MS4A3: variants seen among roughly 807,000 people sequenced by gnomAD.
MS4A3 encodes membrane spanning 4-domains A3.
MS4A3 carries 18 observed loss-of-function variants against 24.7 expected under a neutral mutation model. The observed-to-expected ratio is 0.73, with a 90% CI of 0.50 to 1.08. The LOEUF (loss-of-function observed/expected upper bound fraction) is 1.08. Among genes scored for constraint, MS4A3 ranks in the 50% least tolerant of loss-of-function variants. The pLI is 0.00. For missense variants in MS4A3, 282 were observed against 251.7 expected (o/e 1.12, Z -0.82); for synonymous variants, 84 against 95.3 (o/e 0.88, Z 0.69).
rs769696067 is a variant in MS4A3, at chr11:60,061,139, A to G, written c.-15-7A>G. On this transcript the variant is annotated splice_polypyrimidine_tract_variant and splice_region_variant and intron_variant, in intron 1 of 6. Transcript: ENST00000278865. ...CATGAAGGCTTTGGATTTCTTTTCT[A>G]TCACAGCCATAAACAACCCCAATGG... 88 of 1,546,084 alleles carry G rather than the reference A, an allele frequency of 5.7e-5. 1 individual carries two copies. Among genetic ancestry groups the G allele is most frequent in the Non-Finnish European group, 7.5e-5 (86 of 1,150,738 alleles).
chr11:60,061,141 CACAGCCATAA>C lies in MS4A3; in HGVS notation c.-15-1_-7del. On this transcript the variant is annotated splice_acceptor_variant and splice_polypyrimidine_tract_variant and 5_prime_UTR_variant and intron_variant, in exon 2 of 7. Transcript: ENST00000278865. LOFTEE classifies it low-confidence loss of function (5UTR_SPLICE). ...TGAAGGCTTTGGATTTCTTTTCTAT[CACAGCCATAA>C]ACAACCCCAATGGCCTCCCACGAAG... 6.5e-7 allele frequency: 1 copy of C among 1,545,602 alleles called. No individual in the cohort carries two copies. The highest frequency in any genetic ancestry group is 1.2e-5 in the South Asian group (1 of 80,964).
chr11:60,067,212 CTTTTTTT>C, intron 5 of MS4A3, 100 bp downstream of exon 5: 2 of 548,100 alleles, frequency 3.6e-6, no homozygotes, highest in Non-Finnish European at 5.6e-6. Flanking sequence ...TAATTTGAAT[CTTTTTTT>C]TTTTTTTTTT....
intron 3 of MS4A3, among the ~76,000 whole-genome samples, chr11:60,063,163 CTT>C (rs1177852993): frequency 6.6e-6 from 1 of 152,072 alleles, no homozygotes; most frequent in Admixed American, 6.6e-5. Context: ...TAAAAATTAT[CTT>C]ATATATAACT....
At chr11:60,057,395 T>TTGTGTG (rs35408400) in intron 1 of MS4A3, among the ~76,000 whole-genome samples, 3 of 150,620 alleles carry the variant, frequency 2.0e-5, no homozygotes, top group African/African-American at 7.3e-5. Context: ...TTCTCTGATT[T>TTGTGTG]TGTGTGTGTG....
intron 1 of MS4A3, 186 bp from the exon 2 acceptor site, chr11:60,060,960 G>A (rs1174224088): frequency 6.7e-6 from 3 of 445,152 alleles, no homozygotes; most frequent in African/African-American, 4.1e-5. Context: ...ACCCGATGAT[G>A]TCTACTACTC....
At chr11:60,062,370 G>A in intron 2 of MS4A3, 98 bp from the exon 3 acceptor site, 1 of 1,431,750 alleles carries the variant, frequency 7.0e-7, no homozygotes, top group African/African-American at 1.4e-5. Context: ...ACCATTTCAA[G>A]CACCGACATC....
intron 4 of MS4A3, among the ~76,000 whole-genome samples, chr11:60,064,612 C>T (rs1462185103): frequency 6.6e-6 from 1 of 152,100 alleles, no homozygotes; most frequent in Non-Finnish European, 1.5e-5. Context: ...AGTAAGAACT[C>T]CCACCACTAA....
chr11:60,062,471 A>T lies in MS4A3; in HGVS notation c.160A>T (p.Ile54Phe), dbSNP rs1259113953. The change falls in exon 3 of 7, where the codon ATC becomes TTC. Residue 54 changes from isoleucine (I) to phenylalanine (F), a missense_variant. Physicochemically the swap from Ile to Phe is conservative, Grantham distance 21 (BLOSUM62 0). Coordinates refer to ENST00000278865, the MANE Select transcript of MS4A3 (RefSeq NM_006138.5). The stretch of plus-strand genomic sequence containing the variant: ...TTTTTCCCCTTTCTTCTTTCAGGCC[A>T]TCCAGATCCTGAATGCAGCAATGAT... ...QKAKLQVLGA[I>F]QILNAAMILA... is the part of the protein sequence containing the mutation. 6.2e-7 allele frequency: 1 copy of T among 1,613,920 alleles called. No individual in the cohort carries two copies. The highest frequency in any genetic ancestry group is 8.5e-7 in the Non-Finnish European group (1 of 1,179,976).
chr11:60,057,175 G>A (rs913901452), intron 1 of MS4A3, among the ~76,000 whole-genome samples: 1 of 152,094 alleles, frequency 6.6e-6, no homozygotes, highest in African/African-American at 2.4e-5. Flanking sequence ...TCAAATTGCT[G>A]GCTGTGTGGG....
chr11:60,061,898 G>A (rs1005275148), intron 2 of MS4A3, among the ~76,000 whole-genome samples: 1 of 152,162 alleles, frequency 6.6e-6, no homozygotes, highest in Non-Finnish European at 1.5e-5. Context: ...ATAGATCTGG[G>A]GAGCAGAAAT....
Position 60,070,703 on chromosome 11 carries a change from T to TA in MS4A3, c.*475dup, listed in dbSNP as rs1374782237. ...CTTCTTGACTTTAACATCAGCATTA[T>TA]AAAAAGTGTCAAATAAAAAATTACC... On this transcript the variant is annotated 3_prime_UTR_variant, in exon 7 of 7. Transcript: ENST00000278865. 1 of 152,770 alleles carries TA rather than the reference T, an allele frequency of 6.5e-6. No homozygotes were observed. The highest frequency in any genetic ancestry group is 6.5e-5 in the Admixed American group (1 of 15,290). 9.5% of individuals were successfully genotyped at this position (152,770 alleles called of 1,614,324 possible). A position where few individuals can be genotyped will look rare whatever the true frequency, so the allele number is the denominator to read the frequency against.
Position 60,070,359 on chromosome 11 carries a change from C to G in MS4A3, c.*126C>G. ...GTAAAGCTCAATCCTTCTATCATGG[C>G]ACCAATCACAAGAACCTTGGACGTT... On this transcript the variant is annotated 3_prime_UTR_variant, in exon 7 of 7. Coordinates refer to ENST00000278865, the MANE Select transcript of MS4A3 (RefSeq NM_006138.5). 1 of 723,640 alleles carries G rather than the reference C, an allele frequency of 1.4e-6. No homozygotes were observed. Among genetic ancestry groups the G allele is most frequent in the Non-Finnish European group, 2.3e-6 (1 of 426,212 alleles). The allele number at this position is 723,640 out of a possible 1,614,324, so 44.8% of individuals were successfully genotyped here. A position where few individuals can be genotyped will look rare whatever the true frequency, so the allele number is the denominator to read the frequency against.
At chr11:60,061,071 C>A in intron 1 of MS4A3, 75 bp from the exon 2 acceptor site, 3 of 1,381,412 alleles carry the variant, frequency 2.2e-6, no homozygotes, top group Non-Finnish European at 2.9e-6. Flanking sequence ...TTGAACCCTT[C>A]TGTAACACTC....
In MS4A3 at chr11:60,067,077, C is replaced by T; in HGVS notation, c.478C>T (p.Pro160Ser). 1 of 1,611,156 alleles carries T rather than the reference C, an allele frequency of 6.2e-7. No individual in the cohort carries two copies. ...GAGTTGTCACTCTTCATCAGAGTCA[C>T]CGGACCTATGCAATTACATGGGCTC... The part of the protein sequence containing the change: ...LRSCHSSSES[P>S]DLCNYMGSIS... Residue 160 changes from proline to serine, a missense_variant, in exon 5 of 7, where the codon CCG becomes TCG. Pro to Ser is a moderately conservative substitution (Grantham distance 74). Coordinates refer to ENST00000278865, the MANE Select transcript of MS4A3 (RefSeq NM_006138.5).
intron 1 of MS4A3, among the ~76,000 whole-genome samples, chr11:60,059,339 A>G (rs758335120): frequency 5.3e-4 from 81 of 152,102 alleles, no homozygotes; most frequent in Non-Finnish European, 1.1e-3. Context: ...AGAAAAATGG[A>G]TCTAGTATAT....
chr11:60,064,067 CTAAA>C (rs58312985), intron 3 of MS4A3, among the ~76,000 whole-genome samples, 191 bp from the exon 4 acceptor site: 2,683 of 147,458 alleles, frequency 0.018, 41 homozygotes, highest in African/African-American at 0.028. Flanking sequence ...CATGGAAAGA[CTAAA>C]TAAATAAATA....
intron 6 of MS4A3, among the ~76,000 whole-genome samples, chr11:60,069,890 A>G (rs1405224465): frequency 6.6e-6 from 1 of 152,198 alleles, no homozygotes; most frequent in Non-Finnish European, 1.5e-5. Context: ...GATATATAAG[A>G]GCATACTTTC....
chr11:60,057,056 G>T (rs1415327278), intron 1 of MS4A3, among the ~76,000 whole-genome samples: 1 of 152,178 alleles, frequency 6.6e-6, no homozygotes, highest in Non-Finnish European at 1.5e-5. Flanking sequence ...CTCTGATGAT[G>T]AGGGGTGGTC....
rs1045916516 is a variant in MS4A3 at position 60,069,629 on chromosome 11, C to T, written c.569C>T (p.Ser190Phe). The T allele has an allele frequency of 2.5e-6, 4 of 1,613,630 alleles. No individual in the cohort carries two copies. Among genetic ancestry groups the T allele is most frequent in the Non-Finnish European group, 3.4e-6 (4 of 1,179,714 alleles). ...LTLLELCVTI[S>F]TIAMWCNANC... ...TTGCTGGAATTATGCGTAACCATCT[C>T]TACCATAGCCATGTGGTGCAATGCA... Residue 190 changes from serine to phenylalanine, a missense_variant, in exon 6 of 7, where the codon TCT becomes TTT. Ser to Phe is a radical substitution (Grantham distance 155). Transcript: ENST00000278865.
Sources: gnomAD v4.1 joint callset for allele counts (sites outside exome capture counted in the v4.1 genomes callset) on GRCh38, gnomAD v4.1.1 for gene constraint, MANE v1.5 for transcripts, NCBI Gene and HGNC (gene_info 2026-07-23, HGNC 2026-07-21) for gene names.